The following PRUNE2 variants were observed in gnomAD, a reference collection of about 807,000 sequenced individuals.
PRUNE2 encodes the protein protein prune homolog 2.
In PRUNE2, 164 loss-of-function variants were observed where a neutral mutation model predicts 252.0. That is an observed-to-expected ratio of 0.65 (90% CI 0.57 to 0.74). The LOEUF (loss-of-function observed/expected upper bound fraction) is 0.74, where lower values mean the gene tolerates loss of function less well. PRUNE2 is among the 30% of genes least tolerant of loss of function. The pLI, the probability that PRUNE2 is intolerant of heterozygous loss-of-function variation, is 0.00. For synonymous variants in PRUNE2, 1,292 were observed against 1,350.2 expected, an observed-to-expected ratio of 0.96 and a Z score of 0.94; for missense variants, 3,495 against 3,711.0, an observed-to-expected ratio of 0.94 and a Z score of 1.51.
At chr9:76,744,441 C>T (rs2049926455) in intron 6 of PRUNE2, among the ~76,000 whole-genome samples, 1 of 152,060 alleles carries the variant, frequency 6.6e-6, no homozygotes, top group African/African-American at 2.4e-5. Flanking sequence ...GTTTTTCTAC[C>T]CCAAGGGCGG....
rs767658686 is a variant in PRUNE2 at position 76,708,039 on chromosome 9, G to A, written c.4235C>T (p.Ser1412Phe). Residue 1412 changes from serine to phenylalanine, a missense_variant, in exon 8 of 19, where the codon TCC becomes TTC. Physicochemically the swap from Ser to Phe is radical, Grantham distance 155 (BLOSUM62 -2). Coordinates refer to ENST00000376718, the MANE Select transcript of PRUNE2 (RefSeq NM_015225.3). ...EYEEGSYNLD[S>F]RDVQTGMSAD... ...GGACATCCCTGTTTGCACATCACGG[G>A]AGTCTAGATTGTAAGACCCCTCCTC... 21 of 1,613,978 alleles carry A rather than the reference G, an allele frequency of 1.3e-5. No homozygotes were observed. The highest frequency in any genetic ancestry group is 1.8e-5 in the Non-Finnish European group (21 of 1,179,880).
intron 4 of PRUNE2, among the ~76,000 whole-genome samples, chr9:76,827,803 T>C (rs1470096000): frequency 1.3e-5 from 2 of 152,232 alleles, no homozygotes; most frequent in Non-Finnish European, 2.9e-5. Context: ...CTGGCCTCCG[T>C]TTCCAGTTTC....
At chr9:76,861,938 G>A (rs2060574785) in intron 1 of PRUNE2, among the ~76,000 whole-genome samples, 1 of 152,168 alleles carries the variant, frequency 6.6e-6, no homozygotes, top group South Asian at 2.1e-4. Flanking sequence ...GGGCTCCTAA[G>A]GGAATTGTCC....
intron 6 of PRUNE2, among the ~76,000 whole-genome samples, chr9:76,769,456 C>T (rs2052833307): frequency 6.6e-6 from 1 of 151,932 alleles, no homozygotes; most frequent in Admixed American, 6.6e-5. Flanking sequence ...GAGTTTCGCT[C>T]TTCTTGCCCA....
intron 1 of PRUNE2, among the ~76,000 whole-genome samples, chr9:76,869,682 A>G (rs2061072393): frequency 6.6e-6 from 1 of 152,256 alleles, no homozygotes; most frequent in African/African-American, 2.4e-5. Flanking sequence ...AAGCATAAAC[A>G]TGTTGATATA....
At chr9:76,860,934 G>A (rs572355976) in intron 1 of PRUNE2, among the ~76,000 whole-genome samples, 5 of 152,266 alleles carry the variant, frequency 3.3e-5, no homozygotes, top group Middle Eastern at 3.4e-3. Context: ...AGGGTGATGC[G>A]GAAAGGGCCC....
intron 1 of PRUNE2, chr9:76,862,336 T>G (rs1441104213): frequency 6.6e-6 from 1 of 152,368 alleles, no homozygotes; most frequent in Non-Finnish European, 1.5e-5. Context: ...GGAGAATCGC[T>G]TGAACCCAGG....
intron 1 of PRUNE2, among the ~76,000 whole-genome samples, chr9:76,885,499 T>C (rs567936397): frequency 6.6e-6 from 1 of 152,240 alleles, no homozygotes; most frequent in Admixed American, 6.5e-5. Flanking sequence ...CCAGGACAGC[T>C]GAAAGGAAAT....
chr9:76,833,788 T>A lies in PRUNE2; in HGVS notation c.509-7056A>T, dbSNP rs189766005. ...AAAAAAAATAAATAAATAAAAAATT[T>A]AAAAAAAAATACAGAAAGCAGACGT... On this transcript the variant is annotated intron_variant, in intron 4 of 18. Coordinates refer to ENST00000376718, the MANE Select transcript of PRUNE2 (RefSeq NM_015225.3). Among the ~76,000 whole-genome samples the A allele has an allele frequency of 7.9e-3, 1,166 of 147,808 alleles. 8 individuals carry two copies. Among genetic ancestry groups the A allele is most frequent in the Non-Finnish European group, 9.9e-3 (665 of 66,922 alleles).
At chr9:76,731,547 T>G (rs759763755) in intron 6 of PRUNE2, among the ~76,000 whole-genome samples, 9 of 152,076 alleles carry the variant, frequency 5.9e-5, no homozygotes, top group Non-Finnish European at 1.3e-4. Context: ...AGGCTGGTCT[T>G]GAACTCCTGG....
At chr9:76,879,692 A>G (rs181905732) in intron 1 of PRUNE2, among the ~76,000 whole-genome samples, 1 of 151,858 alleles carries the variant, frequency 6.6e-6, no homozygotes, top group African/African-American at 2.4e-5. Context: ...TAGTTAAGTA[A>G]GGCCCCAAAG....
At chr9:76,896,641 T>C (rs920445070) in intron 1 of PRUNE2, among the ~76,000 whole-genome samples, 5 of 152,122 alleles carry the variant, frequency 3.3e-5, no homozygotes, top group African/African-American at 1.2e-4. Flanking sequence ...CACTTCTGTG[T>C]GTATCGTGAG....
At chr9:76,764,968 T>C (rs1212942052) in intron 6 of PRUNE2, among the ~76,000 whole-genome samples, 1 of 152,248 alleles carries the variant, frequency 6.6e-6, no homozygotes, top group Admixed American at 6.5e-5. Flanking sequence ...AGAAGAATGA[T>C]GCAGAGCAGA....
Position 76,871,877 on chromosome 9 carries a change from C to T in PRUNE2, c.37-17669G>A, listed in dbSNP as rs149337108. 3.7e-3 allele frequency among the ~76,000 whole-genome samples: 571 copies of T among 152,268 alleles called. 4 individuals are homozygous for T. Among genetic ancestry groups the T allele is most frequent in the African/African-American group, 0.013 (534 of 41,540 alleles). Reference sequence around the variant, plus strand: ...CTCCTGGCCTCAAGCAATCTGCCTGCCTCAGGCTCCCAAAGTGCTGGGATT... The same window carrying T: ...CTCCTGGCCTCAAGCAATCTGCCTGTCTCAGGCTCCCAAAGTGCTGGGATT... On this transcript the variant is annotated intron_variant, in intron 1 of 18. Coordinates refer to ENST00000376718, the MANE Select transcript of PRUNE2 (RefSeq NM_015225.3).
rs1406491323 is a variant in PRUNE2, at chr9:76,895,739, T to G, written c.36+10189A>C. ...TTGGGATTATTTACCTGACACCAAA[T>G]GGAATGACACTTACTGGGGGCCCAG... On this transcript the variant is annotated intron_variant, in intron 1 of 18. Transcript: ENST00000376718. Among the ~76,000 whole-genome samples, 3 of 152,198 alleles carry G rather than the reference T, an allele frequency of 2.0e-5. No homozygotes were observed. The East Asian group carries it at 5.8e-4, about 29-fold the overall frequency.
At chr9:76,734,813 A>C (rs2048934208) in intron 6 of PRUNE2, among the ~76,000 whole-genome samples, 1 of 152,178 alleles carries the variant, frequency 6.6e-6, no homozygotes, top group Non-Finnish European at 1.5e-5. Context: ...TTCAGGAATA[A>C]CATGTGACCT....
intron 15 of PRUNE2, 72 bp from the exon 16 acceptor site, chr9:76,629,362 T>C: frequency 1.3e-6 from 1 of 769,030 alleles, no homozygotes; most frequent in Non-Finnish European, 2.0e-6. Flanking sequence ...TATTGCCTTT[T>C]CTTGAAAATC....
intron 9 of PRUNE2, among the ~76,000 whole-genome samples, chr9:76,666,161 C>T (rs751402432): frequency 2.0e-5 from 3 of 152,122 alleles, no homozygotes; most frequent in Non-Finnish European, 2.9e-5. Context: ...CTTGGTCTAG[C>T]GGTAATGCCA....
chr9:76,717,893 G>T (rs909887450), intron 6 of PRUNE2, among the ~76,000 whole-genome samples: 1 of 152,156 alleles, frequency 6.6e-6, no homozygotes, highest in Non-Finnish European at 1.5e-5. Flanking sequence ...ATTTTTAGAG[G>T]TCACGTGTCT....
Sources: gnomAD v4.1 joint callset for allele counts (sites outside exome capture counted in the v4.1 genomes callset) on GRCh38, gnomAD v4.1.1 for gene constraint, MANE v1.5 for transcripts, NCBI Gene and HGNC (gene_info 2026-07-23, HGNC 2026-07-21) for gene names.